Variants in HUNK observed in about 807,000 individuals in gnomAD.
HUNK encodes hormonally up-regulated Neu-associated kinase.
Under a neutral mutation model 61.0 loss-of-function variants are expected in HUNK, and 21 were observed. The observed-to-expected ratio is 0.34, with a 90% confidence interval of 0.24 to 0.50. HUNK has a LOEUF of 0.50. Ranked by LOEUF, HUNK falls within the 20% of genes least tolerant of loss-of-function variation. The pLI, the probability that HUNK is intolerant of heterozygous loss-of-function variation, is 0.98. For missense variants in HUNK, 772 were observed against 945.7 expected, an observed-to-expected ratio of 0.82 and a Z score of 2.41; for synonymous variants, 371 against 386.1, an observed-to-expected ratio of 0.96 and a Z score of 0.46.
At chr21:31,959,865 C>T (rs995734339) in intron 5 of HUNK, among the ~76,000 whole-genome samples, 1 of 152,200 alleles carries the variant, frequency 6.6e-6, no homozygotes, top group African/African-American at 2.4e-5. Context: ...AGTGGAGACA[C>T]GTTCTTGTAT....
chr21:31,999,964 A>G lies in HUNK; in HGVS notation c.*780A>G, dbSNP rs2053235298. ...GATGAGAAGCAATTCCACCAAACTC[A>G]TGTTTTCACAGGAGGGTTCAGTGTG... On this transcript the variant is annotated 3_prime_UTR_variant, in exon 11 of 11. Coordinates refer to ENST00000270112, the MANE Select transcript of HUNK (RefSeq NM_014586.2). 4 of 395,440 alleles carry G rather than the reference A, an allele frequency of 1.0e-5. No homozygotes were observed. The highest frequency in any genetic ancestry group is 1.8e-5 in the Non-Finnish European group (4 of 224,556). The allele number at this position is 395,440 out of a possible 1,614,324, so 24.5% of individuals were successfully genotyped here. A position where few individuals can be genotyped will look rare whatever the true frequency, so the allele number is the denominator to read the frequency against.
chr21:31,876,487 A>G lies in HUNK; in HGVS notation c.261+2552A>G, dbSNP rs1838135688. Among the ~76,000 whole-genome samples, 3 of 152,014 alleles carry G rather than the reference A, an allele frequency of 2.0e-5. No individual in the cohort carries two copies. The South Asian group carries it at 6.2e-4, about 32-fold the overall frequency. ...TAAAATGGTTGTGTGTGTATGCTTG[A>G]CTCTGAGAAAGATTGCTAAATTAAA... On this transcript the variant is annotated intron_variant, in intron 1 of 10. Transcript: ENST00000270112.
chr21:31,922,010 C>G (rs960525908), intron 1 of HUNK, among the ~76,000 whole-genome samples: 1 of 152,088 alleles, frequency 6.6e-6, no homozygotes, highest in African/African-American at 2.4e-5. Flanking sequence ...AAAAATCTCT[C>G]AGCAATTTTC....
Position 31,924,543 on chromosome 21 carries a change from C to G in HUNK, c.337C>G (p.Gln113Glu). 6.2e-7 allele frequency: 1 copy of G among 1,614,158 alleles called. No homozygotes were observed. The highest frequency in any genetic ancestry group is 8.5e-7 in the Non-Finnish European group (1 of 1,180,024). Residue 113 changes from glutamine to glutamate, a missense_variant, in exon 2 of 11, where the codon CAG (glutamine) becomes GAG (glutamate). Physicochemically the swap from Gln to Glu is conservative, Grantham distance 29. Around this residue, in one of 2 missense-constraint regions of HUNK, gnomAD observed 359 missense variants for 501.3 expected, o/e 0.72. Transcript: ENST00000270112. This position sits in a 1 kb window ranked among gnomAD's most constrained non-coding sequence, Gnocchi z 5.1. ...CACCAAAAACCTGCGGCGAGAGGGT[C>G]AGATCCAGCAGATGATCCGCCACCC... is the stretch of plus-strand genomic sequence containing the variant. ...YVTKNLRREG[Q>E]IQQMIRHPNI...
intron 1 of HUNK, among the ~76,000 whole-genome samples, chr21:31,894,610 G>A (rs921157535): frequency 6.6e-6 from 1 of 152,218 alleles, no homozygotes; most frequent in East Asian, 1.9e-4. Context: ...ATTAGAAAAA[G>A]ACATCCCCTC....
At chr21:31,947,448 AG>A (rs2052816666) in intron 4 of HUNK, among the ~76,000 whole-genome samples, 1 of 152,226 alleles carries the variant, frequency 6.6e-6, no homozygotes, top group Admixed American at 6.5e-5. Context: ...GCTCCCTGCC[AG>A]GGAGTCCCCC....
chr21:31,988,048 A>T (rs2123249747), intron 8 of HUNK, among the ~76,000 whole-genome samples: 1 of 152,324 alleles, frequency 6.6e-6, no homozygotes, highest in East Asian at 1.9e-4. Flanking sequence ...GAGACAAAGG[A>T]GCTGAATTAA....
In HUNK at chr21:31,983,555, C is replaced by T. The variant is rs755967329; in HGVS notation, c.1203C>T (p.Tyr401=). 9 of 1,613,774 alleles carry T rather than the reference C, an allele frequency of 5.6e-6. No homozygotes were observed. The highest frequency in any genetic ancestry group is 1.7e-5 in the Admixed American group (1 of 60,006). ...CTGACATCCAGGACAGCCTCTGCTA[C>T]AAGACCCGGCTCTACCAGATAGAAA... ...GKSDIQDSLC[Y]KTRLYQIEKY... Residue 401 remains tyrosine, a synonymous_variant, in exon 8 of 11, where the codon TAC becomes TAT. Coordinates refer to ENST00000270112, the MANE Select transcript of HUNK (RefSeq NM_014586.2).
intron 1 of HUNK, among the ~76,000 whole-genome samples, chr21:31,889,657 A>C (rs1276608032): frequency 6.6e-6 from 1 of 152,210 alleles, no homozygotes; most frequent in African/African-American, 2.4e-5. Context: ...AACATTTGTG[A>C]GAAGTAGTTG....
intron 1 of HUNK, among the ~76,000 whole-genome samples, chr21:31,889,315 G>A (rs1466287988): frequency 2.0e-5 from 3 of 152,234 alleles, no homozygotes; most frequent in African/African-American, 4.8e-5. Context: ...AGGTGAAAAG[G>A]AAGCTTAGGG....
rs1449152699 is a variant in HUNK, at chr21:31,917,755, CA to C, written c.262-6712del. ...ACACACACACACACACACACACACA[CA>C]CCCCTGGACTGAATTGGGAGTTCCC... On this transcript the variant is annotated intron_variant, in intron 1 of 10. Transcript: ENST00000270112. 1.8e-3 allele frequency among the ~76,000 whole-genome samples: 259 copies of C among 144,386 alleles called. 1 individual carries two copies. Among genetic ancestry groups the C allele is most frequent in the Non-Finnish European group, 3.1e-3 (205 of 65,370 alleles). 94.7% of individuals were successfully genotyped at this position (144,386 alleles called of 152,430 possible).
intron 1 of HUNK, among the ~76,000 whole-genome samples, chr21:31,887,646 G>A (rs970864865): frequency 4.6e-5 from 7 of 152,150 alleles, no homozygotes; most frequent in Non-Finnish European, 8.8e-5. Context: ...CTTTGTCACC[G>A]TCGGCTCTTT....
At chr21:31,903,657 C>A (rs1053402442) in intron 1 of HUNK, among the ~76,000 whole-genome samples, 2 of 152,190 alleles carry the variant, frequency 1.3e-5, no homozygotes, top group Non-Finnish European at 2.9e-5. Context: ...CTGTGTGACT[C>A]TAGGCAAGTC....
At chr21:31,902,537 G>C (rs1297200016) in intron 1 of HUNK, among the ~76,000 whole-genome samples, 1 of 152,088 alleles carries the variant, frequency 6.6e-6, no homozygotes, top group Non-Finnish European at 1.5e-5. Context: ...CTTCCTCGTA[G>C]GGCTTGTGGG....
chr21:31,998,929 C>T lies in HUNK; in HGVS notation c.1890C>T (p.Pro630=). 6.2e-7 allele frequency: 1 copy of T among 1,614,202 alleles called. No individual in the cohort carries two copies. The highest frequency in any genetic ancestry group is 8.5e-7 in the Non-Finnish European group (1 of 1,180,038). The change falls in exon 11 of 11, where the codon CCC becomes CCT. Residue 630 remains proline, a synonymous_variant. Coordinates refer to ENST00000270112, the MANE Select transcript of HUNK (RefSeq NM_014586.2). ...VSFAHEDKNS[P]PKEEGLCCPP... Reference sequence around the variant, plus strand: ...TTGCTCACGAAGATAAGAACAGCCCCCCAAAAGAGGAGGGCCTGTGTTGCC... The same window carrying T: ...TTGCTCACGAAGATAAGAACAGCCCTCCAAAAGAGGAGGGCCTGTGTTGCC...
chr21:31,991,843 TC>T (rs1421903262), intron 9 of HUNK, among the ~76,000 whole-genome samples: 2 of 152,200 alleles, frequency 1.3e-5, no homozygotes, highest in African/African-American at 4.8e-5. Context: ...CCATCCATCC[TC>T]CGGCCTGGGG....
At chr21:31,891,851 G>C (rs1434188350) in intron 1 of HUNK, among the ~76,000 whole-genome samples, 1 of 152,014 alleles carries the variant, frequency 6.6e-6, no homozygotes, top group African/African-American at 2.4e-5. Context: ...GCTTGTTGTT[G>C]GTTTTGTCTT....
At chr21:31,920,399 C>T (rs1003551147) in intron 1 of HUNK, among the ~76,000 whole-genome samples, 5 of 152,300 alleles carry the variant, frequency 3.3e-5, no homozygotes, top group East Asian at 1.9e-4. Flanking sequence ...TAATTGTGTA[C>T]TCTGTTAAAA....
chr21:31,979,321 G>T (rs1356120638), intron 7 of HUNK, among the ~76,000 whole-genome samples: 1 of 151,748 alleles, frequency 6.6e-6, no homozygotes, highest in Non-Finnish European at 1.5e-5. Context: ...GTTTCACCAT[G>T]TTGGCCAGGA....
Sources: allele counts gnomAD v4.1 joint callset (sites outside exome capture counted in the v4.1 genomes callset), GRCh38; gene constraint gnomAD v4.1.1; regional missense constraint gnomAD v4.1.1; non-coding constraint Gnocchi (gnomAD v3.1); transcripts MANE v1.5; gene names NCBI Gene and HGNC (gene_info 2026-07-23, HGNC 2026-07-21).